The following AHI1 variants were observed in gnomAD, a reference collection of about 807,000 sequenced individuals.
The protein encoded by AHI1 is Abelson helper integration site 1, also known as jouberin.
Under a neutral mutation model 149.3 loss-of-function variants are expected in AHI1, and 123 were observed. The ratio of observed to expected loss-of-function variants is 0.82; its 90% confidence interval spans 0.71 to 0.96. AHI1 has a LOEUF of 0.96. Ranked by LOEUF, AHI1 falls within the 40% of genes least tolerant of loss-of-function variation. AHI1 has a pLI of 0.00. For missense variants in AHI1, 1,439 were observed against 1,422.7 expected, an observed-to-expected ratio of 1.01 and a Z score of -0.18; for synonymous variants, 475 against 459.8, an observed-to-expected ratio of 1.03 and a Z score of -0.42.
chr6:135,458,637 G>A (rs1789360014), intron 8 of AHI1, among the ~76,000 whole-genome samples: 1 of 152,174 alleles, frequency 6.6e-6, no homozygotes, highest in African/African-American at 2.4e-5. Context: ...TAATCCAGGT[G>A]TGATTTCTGG....
chr6:135,448,157 C>G, intron 12 of AHI1, 133 bp downstream of exon 12: 1 of 541,146 alleles, frequency 1.8e-6, no homozygotes, highest in Non-Finnish European at 2.8e-6. Context: ...CTATTACAGG[C>G]TTAATATATA....
In AHI1 at chr6:135,431,307, AT is replaced by A; in HGVS notation, c.2273del (p.His758LeufsTer10). ...NSLCFDTEGHHMYSGDCTGVI... is the reference protein window; with the variant it reads ...NSLCFDTEGHXMYSGDCTGVI... The stretch of plus-strand genomic sequence containing the variant: ...CCCCTGTACAATCTCCTGAATACAT[AT>A]GATGACCTATTTAAAAAAATAAGAT... On this transcript the variant is annotated frameshift_variant, in exon 17 of 29. Transcript: ENST00000265602. LOFTEE classifies it high-confidence loss of function. 6.3e-7 allele frequency: 1 copy of A among 1,580,360 alleles called. No homozygotes were observed. The highest frequency in any genetic ancestry group is 1.1e-5 in the South Asian group (1 of 87,086).
rs1781516446 is a variant in AHI1, at chr6:135,284,766, A to C, written c.*879T>G. On this transcript the variant is annotated 3_prime_UTR_variant, in exon 29 of 29. Coordinates refer to ENST00000265602, the MANE Select transcript of AHI1 (RefSeq NM_001134831.2). ...ACTTTTAATTTAGGTCTATGAAGTT[A>C]CCTATATGATTTGATCTTAAGAAAC... The C allele has an allele frequency of 6.6e-6, 1 of 152,236 alleles. No homozygotes were observed. Among genetic ancestry groups the C allele is most frequent in the Non-Finnish European group, 1.5e-5 (1 of 68,044 alleles). The allele number at this position is 152,236 out of a possible 1,614,324, so 9.4% of individuals were successfully genotyped here.
intron 27 of AHI1, among the ~76,000 whole-genome samples, chr6:135,298,343 CA>C (rs1175749260): frequency 1.5e-5 from 2 of 131,160 alleles, no homozygotes; most frequent in Admixed American, 7.4e-5. Flanking sequence ...AAAAAAAAAA[CA>C]AAAAAACAAG....
At chr6:135,483,480 G>C (rs988184357) in intron 5 of AHI1, among the ~76,000 whole-genome samples, 1 of 152,198 alleles carries the variant, frequency 6.6e-6, no homozygotes, top group Non-Finnish European at 1.5e-5. Flanking sequence ...AATAAAGTGA[G>C]AGAGGATAAA....
intron 22 of AHI1, among the ~76,000 whole-genome samples, chr6:135,399,230 G>A (rs1779683769): frequency 6.6e-6 from 1 of 152,128 alleles, no homozygotes; most frequent in Non-Finnish European, 1.5e-5. Flanking sequence ...TTCCCTGCAG[G>A]TTAGAAGCAT....
intron 23 of AHI1, among the ~76,000 whole-genome samples, chr6:135,364,716 C>T (rs1015879951): frequency 6.6e-6 from 1 of 152,182 alleles, no homozygotes; most frequent in South Asian, 2.1e-4. Context: ...ACAGCGAATC[C>T]CCGTCTCCAC....
chr6:135,464,899 C>T (rs1790497557), intron 7 of AHI1, among the ~76,000 whole-genome samples: 1 of 152,194 alleles, frequency 6.6e-6, no homozygotes, highest in African/African-American at 2.4e-5. Context: ...AAGTCACTCT[C>T]AGATTGCTGG....
intron 14 of AHI1, 147 bp downstream of exon 14, chr6:135,442,435 G>T: frequency 1.2e-6 from 1 of 832,616 alleles, no homozygotes. Context: ...TATTACAAAA[G>T]AACTTTCTTT....
chr6:135,440,167 C>T (rs1786055095), intron 14 of AHI1, among the ~76,000 whole-genome samples: 1 of 152,016 alleles, frequency 6.6e-6, no homozygotes, highest in Non-Finnish European at 1.5e-5. Context: ...CCCTAAAAGC[C>T]CCATCCCCAA....
intron 23 of AHI1, among the ~76,000 whole-genome samples, chr6:135,375,266 T>C (rs73559970): frequency 0.012 from 1,775 of 151,962 alleles, 40 homozygotes; most frequent in African/African-American, 0.041. Context: ...GAAAATCATA[T>C]AGAAGAACAT....
intron 20 of AHI1, among the ~76,000 whole-genome samples, chr6:135,415,607 A>C (rs1255834642): frequency 6.6e-6 from 1 of 152,198 alleles, no homozygotes; most frequent in Non-Finnish European, 1.5e-5. Flanking sequence ...GCAGCTTCTT[A>C]AGAAGTCAAA....
At chr6:135,308,358 C>T (rs763684009) in intron 26 of AHI1, among the ~76,000 whole-genome samples, 11 of 152,144 alleles carry the variant, frequency 7.2e-5, no homozygotes, top group African/African-American at 1.7e-4. Context: ...ACCTCAGCCT[C>T]CCAAGCAGCT....
chr6:135,361,645 T>TCACACACACA (rs57786531), intron 23 of AHI1, among the ~76,000 whole-genome samples: 89 of 133,902 alleles, frequency 6.6e-4, no homozygotes, highest in African/African-American at 1.4e-3. Context: ...AGGTATGGTT[T>TCACACACACA]CACACACACA....
intron 23 of AHI1, among the ~76,000 whole-genome samples, chr6:135,365,277 C>T (rs1300853391): frequency 6.6e-6 from 1 of 152,148 alleles, no homozygotes; most frequent in African/African-American, 2.4e-5. Flanking sequence ...CTTAGTCTTG[C>T]TTTCGCTACA....
chr6:135,300,162 TA>T (rs1309937691), intron 27 of AHI1, among the ~76,000 whole-genome samples: 2 of 151,862 alleles, frequency 1.3e-5, no homozygotes, highest in Non-Finnish European at 2.9e-5. Context: ...CTGTCTCTAC[TA>T]AAAATACAAA....
At chr6:135,390,694 C>T (rs151124359) in intron 23 of AHI1, among the ~76,000 whole-genome samples, 10 of 152,268 alleles carry the variant, frequency 6.6e-5, no homozygotes, top group African/African-American at 2.2e-4. Context: ...CTCTGATTCT[C>T]GGTTTCACTG....
chr6:135,490,779 A>G, intron 4 of AHI1, 32 bp from the exon 5 acceptor site: 2 of 1,608,828 alleles, frequency 1.2e-6, no homozygotes, highest in African/African-American at 2.7e-5. Context: ...GATTTTGTAA[A>G]TGACTCTATC....
chr6:135,465,940 A>G lies in AHI1; in HGVS notation c.623T>C (p.Ile208Thr), dbSNP rs751836111. The G allele has an allele frequency of 6.2e-7, 1 of 1,608,268 alleles. No individual in the cohort carries two copies. Among genetic ancestry groups the G allele is most frequent in the Non-Finnish European group, 8.5e-7 (1 of 1,177,972 alleles). The change falls in exon 7 of 29, where the codon ATA becomes ACA. Residue 208 changes from isoleucine (I) to threonine (T), a missense_variant. Transcript: ENST00000265602. ...EEMAKEIKRK[I>T]RKKLKEQLTY... ...CAACTGTTCTTTCAGTTTCTTTCTT[A>G]TTTTCCTCTTAATCTCCTTTGCCAT...
Sources: allele counts gnomAD v4.1 joint callset (sites outside exome capture counted in the v4.1 genomes callset), GRCh38; gene constraint gnomAD v4.1.1; transcripts MANE v1.5; gene names NCBI Gene and HGNC (gene_info 2026-07-23, HGNC 2026-07-21).